Variants in CFAP61 observed in about 807,000 individuals in gnomAD.
CFAP61 encodes the protein cilia- and flagella-associated protein 61.
A neutral mutation model predicts 135.6 loss-of-function variants in CFAP61; 107 were observed. The ratio of observed to expected loss-of-function variants is 0.79; its 90% confidence interval spans 0.67 to 0.93. The LOEUF is 0.93. Ranked by LOEUF, CFAP61 falls within the 40% of genes least tolerant of loss-of-function variation. The pLI is 0.00. For missense variants in CFAP61, 1,507 were observed against 1,556.2 expected, an observed-to-expected ratio of 0.97 and a Z score of 0.53; for synonymous variants, 575 against 578.5, an observed-to-expected ratio of 0.99 and a Z score of 0.09.
At chr20:20,073,005 A>G (rs2045828102) in intron 3 of CFAP61, among the ~76,000 whole-genome samples, 1 of 152,212 alleles carries the variant, frequency 6.6e-6, no homozygotes, top group African/African-American at 2.4e-5. Flanking sequence ...TGTAACCAGT[A>G]TAGAGCCTTT....
chr20:20,183,688 C>G (rs1271239351), intron 13 of CFAP61, among the ~76,000 whole-genome samples: 1 of 152,114 alleles, frequency 6.6e-6, no homozygotes, highest in Non-Finnish European at 1.5e-5. Flanking sequence ...ATTATTGTTT[C>G]AGCGTGTAAT....
chr20:20,161,076 C>G (rs1364004894), intron 10 of CFAP61, among the ~76,000 whole-genome samples: 3 of 152,208 alleles, frequency 2.0e-5, no homozygotes, highest in Non-Finnish European at 4.4e-5. Flanking sequence ...TACTGACTCT[C>G]AGACACTTAA....
At chr20:20,068,705 GA>G (rs982704247) in intron 2 of CFAP61, among the ~76,000 whole-genome samples, 11 of 152,156 alleles carry the variant, frequency 7.2e-5, no homozygotes, top group Admixed American at 1.3e-4. Flanking sequence ...CTACATGCAG[GA>G]AAAATTTTTT....
chr20:20,356,100 G>A (rs2059136781), intron 26 of CFAP61, among the ~76,000 whole-genome samples: 1 of 51,598 alleles, frequency 1.9e-5, no homozygotes. Context: ...CACACTGTGA[G>A]GGGAGGTGGT....
intron 15 of CFAP61, among the ~76,000 whole-genome samples, chr20:20,192,018 G>A (rs1346090276): frequency 2.0e-5 from 3 of 151,854 alleles, no homozygotes; most frequent in Non-Finnish European, 4.4e-5. Flanking sequence ...ATATCTAATA[G>A]GGGAGTGTTC....
intron 2 of CFAP61, among the ~76,000 whole-genome samples, chr20:20,065,751 G>A (rs1022548197): frequency 6.6e-6 from 1 of 152,056 alleles, no homozygotes; most frequent in Non-Finnish European, 1.5e-5. Flanking sequence ...TTAGCAGATT[G>A]GGCATGGCCG....
rs145742137 is a variant in CFAP61 at position 20,173,370 on chromosome 20, G to A, written c.1385+3910G>A. Among the ~76,000 whole-genome samples, 13 of 152,268 alleles carry A rather than the reference G, an allele frequency of 8.5e-5. No individual in the cohort carries two copies. In the East Asian group the frequency reaches 2.5e-3, roughly 29 times the overall value. ...AAACTGTCAAACTATCTGACAGAGT[G>A]GCTGAGCCATTTTGCATTCCCACCA... On this transcript the variant is annotated intron_variant, in intron 13 of 26. Transcript: ENST00000245957.
At position 20,074,346 on chromosome 20, in the gene CFAP61, G is replaced by C. The variant is rs148268644; in HGVS notation, c.339G>C (p.Glu113Asp). ...TGCACCTCTTTGTGGCCGTGGATGA[G>C]TATTCTGTTGGCTGTTGCAAAGAGA... ...LFMHLFVAVD[E>D]YSVGCCKEIL... Residue 113 changes from glutamate to aspartate, a missense_variant, in exon 4 of 27, where the codon GAG (glutamate) becomes GAC (aspartate). Coordinates refer to ENST00000245957, the MANE Select transcript of CFAP61 (RefSeq NM_015585.4). 9.1e-5 allele frequency: 147 copies of C among 1,614,188 alleles called. No homozygotes were observed. The African/African-American group carries it at 1.9e-3, about 20-fold the overall frequency.
chr20:20,310,007 T>G (rs1458974098), intron 25 of CFAP61, among the ~76,000 whole-genome samples: 3 of 152,062 alleles, frequency 2.0e-5, no homozygotes, highest in Admixed American at 2.0e-4. Flanking sequence ...TTTGTTTTTG[T>G]TTTTTGAGAT....
intron 17 of CFAP61, among the ~76,000 whole-genome samples, chr20:20,215,931 T>C (rs747403013): frequency 3.3e-5 from 5 of 152,160 alleles, no homozygotes; most frequent in Non-Finnish European, 5.9e-5. Context: ...CCCTCAAAAG[T>C]GGCATTAATT....
intron 13 of CFAP61, among the ~76,000 whole-genome samples, chr20:20,183,516 G>T (rs1360478344): frequency 6.6e-6 from 1 of 152,172 alleles, no homozygotes; most frequent in Non-Finnish European, 1.5e-5. Flanking sequence ...ATAGTTCTCA[G>T]AGGCAAATAC....
Position 20,090,859 on chromosome 20 carries a change from C to T in CFAP61, c.582C>T (p.Asp194=), listed in dbSNP as rs750404197. ...TATTAAACAGGGTGGAAGACCATGACGATCTCATGCCAATATTTATGCGCT... is the reference window on the plus strand; with the variant it reads ...TATTAAACAGGGTGGAAGACCATGATGATCTCATGCCAATATTTATGCGCT... The part of the protein sequence containing the change: ...HVRKARVEDH[D]DLMPIFMRYD... Residue 194 remains aspartate, a synonymous_variant, in exon 7 of 27, where the codon GAC becomes GAT. Coordinates refer to ENST00000245957, the MANE Select transcript of CFAP61 (RefSeq NM_015585.4). 46 of 1,614,042 alleles carry T rather than the reference C, an allele frequency of 2.8e-5. No homozygotes were observed. Among genetic ancestry groups the T allele is most frequent in the South Asian group, 1.1e-4 (10 of 91,072 alleles).
chr20:20,056,136 G>T, intron 1 of CFAP61: 1 of 694,866 alleles, frequency 1.4e-6, no homozygotes, highest in South Asian at 1.8e-5. Context: ...AGCCTATTGC[G>T]AGCATTTCCT....
At chr20:20,161,071 A>T (rs1169369148) in intron 10 of CFAP61, among the ~76,000 whole-genome samples, 3 of 152,004 alleles carry the variant, frequency 2.0e-5, no homozygotes, top group African/African-American at 7.2e-5. Flanking sequence ...TAAACTACTG[A>T]CTCTCAGACA....
chr20:20,228,397 G>T (rs778916018), intron 18 of CFAP61, 21 bp downstream of exon 18: 1 of 1,587,638 alleles, frequency 6.3e-7, no homozygotes, highest in Non-Finnish European at 8.6e-7. Flanking sequence ...TCACTCTATT[G>T]ATTGATTGGT....
At chr20:20,174,626 C>T (rs747816215) in intron 13 of CFAP61, among the ~76,000 whole-genome samples, 27 of 152,194 alleles carry the variant, frequency 1.8e-4, no homozygotes, top group Non-Finnish European at 3.4e-4. Context: ...AAAGTCCGCA[C>T]TCCTGCACCC....
At chr20:20,061,120 G>A (rs2044765409) in intron 2 of CFAP61, among the ~76,000 whole-genome samples, 1 of 152,056 alleles carries the variant, frequency 6.6e-6, no homozygotes, top group South Asian at 2.1e-4. Context: ...AAGACTGTTA[G>A]GAATATATAT....
intron 10 of CFAP61, among the ~76,000 whole-genome samples, chr20:20,163,398 A>G (rs992500972): frequency 6.6e-6 from 1 of 152,128 alleles, no homozygotes; most frequent in Non-Finnish European, 1.5e-5. Flanking sequence ...CCCAAGATTC[A>G]AAAATTCTTG....
intron 25 of CFAP61, chr20:20,316,647 T>G (rs1480302812): frequency 2.6e-5 from 4 of 151,904 alleles, no homozygotes; most frequent in South Asian, 4.2e-4. Flanking sequence ...TCCAGTTTTT[T>G]CCCATTCAGT....
Sources: allele counts gnomAD v4.1 joint callset (sites outside exome capture counted in the v4.1 genomes callset), GRCh38; gene constraint gnomAD v4.1.1; transcripts MANE v1.5; gene names NCBI Gene and HGNC (gene_info 2026-07-23, HGNC 2026-07-21).